The following BICC1 variants were observed in gnomAD, a reference collection of about 807,000 sequenced individuals.
BICC1 encodes the protein BicC family RNA binding protein 1.
A neutral mutation model predicts 111.0 loss-of-function variants in BICC1; 43 were observed. The observed-to-expected ratio is 0.39, with a 90% confidence interval of 0.30 to 0.50. The LOEUF (loss-of-function observed/expected upper bound fraction) is 0.50, where lower values mean the gene tolerates loss of function less well. BICC1 is among the 20% of genes least tolerant of loss of function. The pLI is 0.88. For missense variants in BICC1, 1,091 were observed against 1,203.2 expected (o/e 0.91, Z 1.38); for synonymous variants, 467 against 434.4 (o/e 1.07, Z -0.93).
In BICC1 at chr10:58,543,831, A is replaced by AT. The variant is rs1382605743; in HGVS notation, c.190+30500dup. On this transcript the variant is annotated intron_variant, in intron 1 of 20. Transcript: ENST00000373886. ...GCCTATGTTTTTTTTTTTAACCATA[A>AT]TTAAAAAAAAAAAAAAAAGAAACCA... is the stretch of plus-strand genomic sequence containing the variant. Among the ~76,000 whole-genome samples, 8 of 29,206 alleles carry AT rather than the reference A, an allele frequency of 2.7e-4. No homozygotes were observed. In the South Asian group the frequency reaches 0.018, roughly 67 times the overall value. The allele number at this position is 29,206 out of a possible 152,430, so 19.2% of individuals were successfully genotyped here.
chr10:58,786,827 G>C (rs1843022735), intron 4 of BICC1, 96 bp from the exon 5 acceptor site: 2 of 871,498 alleles, frequency 2.3e-6, no homozygotes, highest in East Asian at 6.2e-5. Context: ...CCACTGACTT[G>C]CTTTTTGTTA....
Position 58,800,363 on chromosome 10 carries a change from G to C in BICC1, c.1858+37G>C, listed in dbSNP as rs1211511042. 5.0e-6 allele frequency: 8 copies of C among 1,597,924 alleles called. No homozygotes were observed. The East Asian group carries it at 1.8e-4, about 36-fold the overall frequency. ...TACCCTTCTGAAATTCATTTTGGTT[G>C]TTATTTGGAAAAAGGAGGTTGTAGA... On this transcript the variant is annotated intron_variant, in intron 13 of 20. Coordinates refer to ENST00000373886, the MANE Select transcript of BICC1 (RefSeq NM_001080512.3).
At chr10:58,759,497 T>G (rs1371828475) in intron 3 of BICC1, among the ~76,000 whole-genome samples, 3 of 152,116 alleles carry the variant, frequency 2.0e-5, no homozygotes, top group Non-Finnish European at 2.9e-5. Context: ...TGTATTTGTA[T>G]AGTGGCATAA....
chr10:58,718,774 G>GTGCGCGCGTGCGCACGCC (rs1840836199), intron 3 of BICC1, among the ~76,000 whole-genome samples: 1 of 148,086 alleles, frequency 6.8e-6, no homozygotes, highest in African/African-American at 2.6e-5. Flanking sequence ...GTGCGCGCGC[G>GTGCGCGCGTGCGCACGCC]CGTGCGCGCG....
chr10:58,567,819 C>G (rs1438979794), intron 1 of BICC1, among the ~76,000 whole-genome samples: 1 of 151,910 alleles, frequency 6.6e-6, no homozygotes, highest in African/African-American at 2.4e-5. Flanking sequence ...AGTGTGAATA[C>G]CCAGGGAAGG....
At chr10:58,673,329 C>G (rs1223134840) in intron 2 of BICC1, among the ~76,000 whole-genome samples, 7 of 152,268 alleles carry the variant, frequency 4.6e-5, no homozygotes, top group African/African-American at 1.7e-4. Context: ...GGGAAGGAAT[C>G]AGTTCCAATA....
chr10:58,549,597 T>C (rs1843236227), intron 1 of BICC1, among the ~76,000 whole-genome samples: 2 of 150,854 alleles, frequency 1.3e-5, no homozygotes, highest in South Asian at 4.2e-4. Flanking sequence ...GTATCTTCTT[T>C]GGTGAGGAGT....
At chr10:58,550,466 A>G (rs1307715655) in intron 1 of BICC1, among the ~76,000 whole-genome samples, 3 of 152,302 alleles carry the variant, frequency 2.0e-5, no homozygotes, top group Non-Finnish European at 4.4e-5. Flanking sequence ...ATCTTCTTTC[A>G]TAAATAATGT....
At chr10:58,769,371 AATGT>A (rs200648258) in intron 3 of BICC1, among the ~76,000 whole-genome samples, 1,281 of 86,036 alleles carry the variant, frequency 0.015, 24 homozygotes, top group Admixed American at 0.038. Flanking sequence ...ATAGTTTTAT[AATGT>A]ATGTGTGTGT....
chr10:58,645,217 G>A (rs993849143), intron 2 of BICC1, among the ~76,000 whole-genome samples: 1 of 151,952 alleles, frequency 6.6e-6, no homozygotes, highest in African/African-American at 2.4e-5. Flanking sequence ...AGACCATCCT[G>A]ACTAACTCGG....
chr10:58,715,555 T>C (rs1840713595), intron 3 of BICC1: 3 of 1,515,030 alleles, frequency 2.0e-6, no homozygotes, highest in African/African-American at 2.7e-5. Flanking sequence ...TCCAGCACCA[T>C]GGGGAAGCGG....
Position 58,516,689 on chromosome 10 carries a change from TAAAG to T in BICC1, c.190+3360_190+3363del, listed in dbSNP as rs1407158632. ...ATACCATAGACAGCATTTTTAATGA[TAAAG>T]AAAATCCTTATATAATTTCTTTATT... On this transcript the variant is annotated intron_variant, in intron 1 of 20. Coordinates refer to ENST00000373886, the MANE Select transcript of BICC1 (RefSeq NM_001080512.3). 2.6e-5 allele frequency among the ~76,000 whole-genome samples: 4 copies of T among 152,306 alleles called. No individual in the cohort carries two copies. The South Asian group carries it at 6.2e-4, about 24-fold the overall frequency.
chr10:58,750,198 G>A (rs1841946354), intron 3 of BICC1, among the ~76,000 whole-genome samples: 1 of 152,136 alleles, frequency 6.6e-6, no homozygotes, highest in South Asian at 2.1e-4. Flanking sequence ...GTAGAAAAAT[G>A]GTAGCGAGTG....
chr10:58,646,287 G>C (rs1724128452), intron 2 of BICC1, among the ~76,000 whole-genome samples: 1 of 152,164 alleles, frequency 6.6e-6, no homozygotes, highest in African/African-American at 2.4e-5. Flanking sequence ...GGGGCAAAGT[G>C]CTAATAAATA....
intron 2 of BICC1, among the ~76,000 whole-genome samples, chr10:58,696,918 T>G (rs1431402152): frequency 3.3e-5 from 5 of 152,194 alleles, no homozygotes; most frequent in Non-Finnish European, 7.3e-5. Context: ...ACTCTAGGGC[T>G]TCCCCCACCC....
chr10:58,826,283 C>T (rs984659525), intron 20 of BICC1, among the ~76,000 whole-genome samples: 1 of 152,104 alleles, frequency 6.6e-6, no homozygotes, highest in Non-Finnish European at 1.5e-5. Flanking sequence ...TTTGGCTTAA[C>T]AAATTTGAAG....
intron 1 of BICC1, among the ~76,000 whole-genome samples, chr10:58,607,203 C>T (rs1334438711): frequency 6.6e-6 from 1 of 151,910 alleles, no homozygotes; most frequent in Non-Finnish European, 1.5e-5. Flanking sequence ...GTAATCCCAG[C>T]TACTCGGGAG....
In BICC1 at chr10:58,817,619, G is replaced by GCAAT. The variant is rs779584503; in HGVS notation, c.2592_2595dup (p.Gly866GlnfsTer4). 6.2e-7 allele frequency: 1 copy of GCAAT among 1,613,574 alleles called. No homozygotes were observed. The highest frequency in any genetic ancestry group is 1.7e-5 in the Admixed American group (1 of 59,960). On this transcript the variant is annotated frameshift_variant, in exon 19 of 21. Coordinates refer to ENST00000373886, the MANE Select transcript of BICC1 (RefSeq NM_001080512.3). LOFTEE classifies it high-confidence loss of function. ...GACTGCATTTCCTCGCTGACAGGAA[G>GCAAT]CAATGGCTGTAACTTAAATAGCTCT...
intron 1 of BICC1, among the ~76,000 whole-genome samples, chr10:58,595,558 AACTC>A (rs1337699564): frequency 6.6e-6 from 1 of 152,198 alleles, no homozygotes; most frequent in East Asian, 1.9e-4. Flanking sequence ...AGGATTAAAA[AACTC>A]ACTCAAAACC....
Sources: gnomAD v4.1 joint callset for allele counts (sites outside exome capture counted in the v4.1 genomes callset) on GRCh38, gnomAD v4.1.1 for gene constraint, MANE v1.5 for transcripts, NCBI Gene and HGNC (gene_info 2026-07-23, HGNC 2026-07-21) for gene names.